Variants in ABL1 observed in about 807,000 individuals in gnomAD.
The protein encoded by ABL1 is ABL proto-oncogene 1, non-receptor tyrosine kinase.
In ABL1, 11 loss-of-function variants were observed where a neutral mutation model predicts 94.7. The observed-to-expected ratio is 0.12, with a 90% CI of 0.07 to 0.19. The LOEUF is 0.19. ABL1 is among the 10% of genes least tolerant of loss of function. ABL1 has a pLI of 1.00. For synonymous variants in ABL1, 656 were observed against 622.4 expected (o/e 1.05, Z -0.80); for missense variants, 1,082 against 1,489.4 (o/e 0.73, Z 4.50).
At position 130,854,841 on chromosome 9, in the gene ABL1, A is replaced by G; in HGVS notation, c.294A>G (p.Glu98=). 2 of 1,614,246 alleles carry G rather than the reference A, an allele frequency of 1.2e-6. No individual in the cohort carries two copies. Among genetic ancestry groups the G allele is most frequent in the Middle Eastern group, 1.6e-4 (1 of 6,062 alleles). ...LRVLGYNHNG[E]WCEAQTKNGQ... is the part of the protein sequence containing the mutation. ...TCTTAGGCTATAATCACAATGGGGA[A>G]TGGTGTGAAGCCCAAACCAAAAATG... Residue 98 remains glutamate (E), a synonymous_variant, in exon 3 of 11, where the codon GAA becomes GAG. Transcript: ENST00000318560.
upstream of ABL1, among the ~76,000 whole-genome samples, chr9:130,833,657 A>G (rs1830521138): frequency 6.6e-6 from 1 of 152,234 alleles, no homozygotes; most frequent in Non-Finnish European, 1.5e-5. Flanking sequence ...CAATGGCAGT[A>G]AAAATACATG....
At chr9:130,805,459 A>G (rs1046099941) in intron 1 of ABL1, among the ~76,000 whole-genome samples, 1 of 152,194 alleles carries the variant, frequency 6.6e-6, no homozygotes, top group Non-Finnish European at 1.5e-5. Flanking sequence ...TCTTTTTCTT[A>G]CGGAATTTCT....
chr9:130,866,665 G>C (rs189335519), intron 4 of ABL1, among the ~76,000 whole-genome samples: 1 of 152,300 alleles, frequency 6.6e-6, no homozygotes, highest in Non-Finnish European at 1.5e-5. Flanking sequence ...GAAGAGAACA[G>C]GAAAAAAGCA....
chr9:130,741,055 C>T (rs1471488061), intron 1 of ABL1, among the ~76,000 whole-genome samples: 1 of 152,088 alleles, frequency 6.6e-6, no homozygotes, highest in Non-Finnish European at 1.5e-5. Flanking sequence ...TATTATATAG[C>T]AATGAATGGC....
At chr9:130,839,085 T>C (rs532550788) in intron 1 of ABL1, among the ~76,000 whole-genome samples, 1 of 152,058 alleles carries the variant, frequency 6.6e-6, no homozygotes, top group Non-Finnish European at 1.5e-5. Context: ...AAATTTTTTT[T>C]TTTTTTTTGT....
chr9:130,865,583 C>T (rs939833673), intron 4 of ABL1, among the ~76,000 whole-genome samples: 1 of 151,912 alleles, frequency 6.6e-6, no homozygotes, highest in Non-Finnish European at 1.5e-5. Context: ...TCTGCCTCTA[C>T]AAAAAATACC....
intron 4 of ABL1, among the ~76,000 whole-genome samples, chr9:130,869,769 G>A (rs72765074): frequency 1.3e-5 from 2 of 152,158 alleles, no homozygotes; most frequent in African/African-American, 4.8e-5. Flanking sequence ...ACAGAATTGC[G>A]TCAGGGATAT....
rs1318569586 is a variant in ABL1, at chr9:130,863,057, T to C, written c.822+22T>C. ...GAAGGTAGGCTGGGACTGCCGGGGG[T>C]GCCCAGGGTACGTGGGGCAAGGCGT... On this transcript the variant is annotated intron_variant, in intron 4 of 10. Transcript: ENST00000318560. The surrounding 1 kb of genome is among the most constrained non-coding windows in gnomAD (Gnocchi z 4.3). 1 of 1,573,402 alleles carries C rather than the reference T, an allele frequency of 6.4e-7. No individual in the cohort carries two copies. Among genetic ancestry groups the C allele is most frequent in the Admixed American group, 1.7e-5 (1 of 57,736 alleles).
In ABL1 at chr9:130,885,020, T is replaced by C; in HGVS notation, c.2730T>C (p.Ala910=). ...PPPPAASAGK[A]GGKPSQSPSQ... The stretch of plus-strand genomic sequence containing the variant: ...CACCAGCAGCCTCTGCAGGGAAGGC[T>C]GGAGGAAAGCCCTCGCAGAGCCCGA... Residue 910 remains alanine, a synonymous_variant, in exon 11 of 11, where the codon GCT becomes GCC. Transcript: ENST00000318560. 6.2e-7 allele frequency: 1 copy of C among 1,611,590 alleles called. No individual in the cohort carries two copies. Among genetic ancestry groups the C allele is most frequent in the East Asian group, 2.2e-5 (1 of 44,832 alleles).
At position 130,804,521 on chromosome 9, in the gene ABL1, T is replaced by C. The variant is rs112761523; in HGVS notation, c.137-49543T>C. ...ATCGCTTGAACCCGGGAGGTGGAGG[T>C]TGCAGTGAGCCAGGATCGCGCCATT... On this transcript the variant is annotated intron_variant, in intron 1 of 10. Transcript: ENST00000372348. Among the ~76,000 whole-genome samples, 282 of 152,068 alleles carry C rather than the reference T, an allele frequency of 1.9e-3. 3 individuals carry two copies. The highest frequency in any genetic ancestry group is 6.1e-3 in the African/African-American group (251 of 41,468).
chr9:130,885,896 G>T lies in ABL1; in HGVS notation c.*213G>T. 3.2e-6 allele frequency: 2 copies of T among 622,102 alleles called. No individual in the cohort carries two copies. The highest frequency in any genetic ancestry group is 5.4e-6 in the Non-Finnish European group (2 of 370,688). 38.5% of individuals were successfully genotyped at this position (622,102 alleles called of 1,614,324 possible). A position where few individuals can be genotyped will look rare whatever the true frequency, so the allele number is the denominator to read the frequency against. Reference sequence around the variant, plus strand: ...CCCGCACCTTCCTCCTCCCCGCTCCGTCTCTGTCCTCGAATTTTATCTGTG... The same window carrying T: ...CCCGCACCTTCCTCCTCCCCGCTCCTTCTCTGTCCTCGAATTTTATCTGTG... On this transcript the variant is annotated 3_prime_UTR_variant, in exon 11 of 11. Transcript: ENST00000318560.
chr9:130,770,993 G>T (rs1832244589), intron 1 of ABL1, among the ~76,000 whole-genome samples: 1 of 152,190 alleles, frequency 6.6e-6, no homozygotes, highest in Admixed American at 6.5e-5. Context: ...AATTTGGTCA[G>T]TATAAAAGTA....
At chr9:130,734,666 C>T (rs1307551281) in intron 1 of ABL1, among the ~76,000 whole-genome samples, 1 of 151,842 alleles carries the variant, frequency 6.6e-6, no homozygotes, top group Non-Finnish European at 1.5e-5. Context: ...GGATCACAGG[C>T]GTGTGCCACC....
chr9:130,848,581 T>C (rs1830810834), intron 1 of ABL1, among the ~76,000 whole-genome samples: 1 of 152,056 alleles, frequency 6.6e-6, no homozygotes, highest in South Asian at 2.1e-4. Flanking sequence ...TGTCATTGTT[T>C]TCTAGTAATA....
chr9:130,823,682 C>G (rs1830392377), intron 1 of ABL1, among the ~76,000 whole-genome samples: 1 of 152,172 alleles, frequency 6.6e-6, no homozygotes, highest in Non-Finnish European at 1.5e-5. Context: ...GAACCTGACC[C>G]AGAAGTCTTA....
chr9:130,743,825 G>A (rs1831849908), intron 1 of ABL1, among the ~76,000 whole-genome samples: 1 of 152,066 alleles, frequency 6.6e-6, no homozygotes, highest in South Asian at 2.1e-4. Flanking sequence ...AGTACTTGTG[G>A]GGTCGGGGAA....
intron 1 of ABL1, among the ~76,000 whole-genome samples, chr9:130,810,302 C>T (rs1830190668): frequency 6.6e-6 from 1 of 152,158 alleles, no homozygotes; most frequent in African/African-American, 2.4e-5. Context: ...TCAAGACCAG[C>T]CTAGCCAACA....
intron 1 of ABL1, among the ~76,000 whole-genome samples, chr9:130,850,420 T>A (rs1284330498): frequency 6.6e-6 from 1 of 152,176 alleles, no homozygotes; most frequent in Non-Finnish European, 1.5e-5. Context: ...CTGTAGGAAA[T>A]TGAAGCTGGA....
chr9:130,853,503 C>T (rs10901293), intron 1 of ABL1, among the ~76,000 whole-genome samples: 25,511 of 151,746 alleles, frequency 0.17, 2,487 homozygotes, highest in African/African-American at 0.27. Context: ...AGACCTCCAC[C>T]TCCTGGGTTC....
Sources: allele counts gnomAD v4.1 joint callset (sites outside exome capture counted in the v4.1 genomes callset), GRCh38; gene constraint gnomAD v4.1.1; non-coding constraint Gnocchi (gnomAD v3.1); transcripts MANE v1.5; gene names NCBI Gene and HGNC (gene_info 2026-07-23, HGNC 2026-07-21).